The following COL22A1 variants were observed in gnomAD, a reference collection of about 807,000 sequenced individuals.
COL22A1 encodes the protein collagen alpha-1(XXII) chain.
COL22A1 carries 221 observed loss-of-function variants against 248.9 expected under a neutral mutation model. The ratio of observed to expected loss-of-function variants is 0.89; its 90% CI spans 0.80 to 0.99. The LOEUF is 0.99. Ranked by LOEUF, COL22A1 falls within the 50% of genes least tolerant of loss-of-function variation. COL22A1 has a pLI of 0.00. For synonymous variants in COL22A1, 891 were observed against 793.4 expected (o/e 1.12, Z -2.07); for missense variants, 2,240 against 2,179.0 (o/e 1.03, Z -0.56).
chr8:138,810,407 A>G (rs189017606), intron 9 of COL22A1, among the ~76,000 whole-genome samples: 1 of 152,300 alleles, frequency 6.6e-6, no homozygotes, highest in African/African-American at 2.4e-5. Context: ...TTTCATTGAC[A>G]TGTAAAAACC....
chr8:138,598,993 T>C (rs1013612921), intron 60 of COL22A1, 95 bp from the exon 61 acceptor site: 1 of 1,328,276 alleles, frequency 7.5e-7, no homozygotes, highest in African/African-American at 1.5e-5. Flanking sequence ...GCCTCTTAGA[T>C]CACTGAAAGG....
chr8:138,800,792 T>A (rs1449039052), intron 11 of COL22A1, among the ~76,000 whole-genome samples: 1 of 152,188 alleles, frequency 6.6e-6, no homozygotes, highest in African/African-American at 2.4e-5. Flanking sequence ...TCTCCCTTCC[T>A]TTGAACCCAG....
chr8:138,599,837 C>T (rs531339138), intron 60 of COL22A1, among the ~76,000 whole-genome samples: 34 of 152,198 alleles, frequency 2.2e-4, no homozygotes, highest in African/African-American at 3.4e-4. Flanking sequence ...ATGTTGATTG[C>T]GGAATTCCAA....
intron 31 of COL22A1, among the ~76,000 whole-genome samples, chr8:138,702,953 C>T (rs1475387641): frequency 6.6e-6 from 1 of 152,174 alleles, no homozygotes; most frequent in Non-Finnish European, 1.5e-5. Flanking sequence ...GTATAGAGGG[C>T]CAATGAATGA....
At chr8:138,778,282 C>A in intron 15 of COL22A1, 71 bp downstream of exon 15, 1 of 1,568,698 alleles carries the variant, frequency 6.4e-7, no homozygotes, top group Non-Finnish European at 8.8e-7. Flanking sequence ...GGTGGAGGAA[C>A]TTGCTAGAAC....
At chr8:138,767,451 T>C (rs1229015957) in intron 16 of COL22A1, among the ~76,000 whole-genome samples, 1 of 151,974 alleles carries the variant, frequency 6.6e-6, no homozygotes, top group East Asian at 1.9e-4. Flanking sequence ...TGCTCCTCTC[T>C]GGGGCTCCAG....
chr8:138,701,030 C>T (rs1827923978), intron 31 of COL22A1, among the ~76,000 whole-genome samples: 1 of 146,102 alleles, frequency 6.8e-6, no homozygotes, highest in South Asian at 2.2e-4. Flanking sequence ...AGGTGTCATG[C>T]TTTCTCCAGC....
chr8:138,803,355 T>C (rs1017621672), intron 10 of COL22A1, among the ~76,000 whole-genome samples: 5 of 152,026 alleles, frequency 3.3e-5, no homozygotes, highest in Non-Finnish European at 7.4e-5. Flanking sequence ...GCACATAAGA[T>C]TAAGAGCATA....
At chr8:138,904,903 A>G (rs887227223) in intron 1 of COL22A1, among the ~76,000 whole-genome samples, 4 of 152,122 alleles carry the variant, frequency 2.6e-5, no homozygotes, top group African/African-American at 9.7e-5. Flanking sequence ...GCCATGGACC[A>G]TGAGGCCCCA....
intron 21 of COL22A1, among the ~76,000 whole-genome samples, chr8:138,754,339 T>A (rs554286873): frequency 4.6e-5 from 7 of 152,198 alleles, no homozygotes; most frequent in Non-Finnish European, 5.9e-5. Context: ...TGATCCAAAA[T>A]CTTTGATATA....
chr8:138,804,225 G>C (rs1817259809), intron 10 of COL22A1, among the ~76,000 whole-genome samples: 1 of 152,196 alleles, frequency 6.6e-6, no homozygotes, highest in South Asian at 2.1e-4. Flanking sequence ...CGAGCTCTGT[G>C]TAGGGACACG....
intron 3 of COL22A1, among the ~76,000 whole-genome samples, chr8:138,844,782 C>T (rs1360836965): frequency 6.6e-6 from 1 of 151,976 alleles, no homozygotes; most frequent in Non-Finnish European, 1.5e-5. Context: ...AACCCCGTCT[C>T]TACTAAAGAT....
chr8:138,755,003 C>T (rs574721568), intron 21 of COL22A1, among the ~76,000 whole-genome samples, 154 bp downstream of exon 21: 7 of 152,258 alleles, frequency 4.6e-5, no homozygotes, highest in South Asian at 4.2e-4. Context: ...GTTTTTCCTA[C>T]GTGAGACGTG....
At chr8:138,778,826 G>A (rs1814710894) in intron 14 of COL22A1, among the ~76,000 whole-genome samples, 1 of 152,132 alleles carries the variant, frequency 6.6e-6, no homozygotes, top group Non-Finnish European at 1.5e-5. Context: ...ACTTTGCCAT[G>A]GGCTCAGTAC....
chr8:138,852,683 C>T (rs933399250), intron 3 of COL22A1, among the ~76,000 whole-genome samples: 2 of 152,082 alleles, frequency 1.3e-5, no homozygotes, highest in African/African-American at 4.8e-5. Flanking sequence ...TCACAGCCTC[C>T]AATCTTGAAA....
intron 31 of COL22A1, 69 bp downstream of exon 31, chr8:138,703,237 G>C: frequency 7.4e-7 from 1 of 1,347,110 alleles, no homozygotes; most frequent in Non-Finnish European, 1.1e-6. Flanking sequence ...AGTGGCAGTT[G>C]CTGGAGGGGG....
At chr8:138,765,876 C>G (rs73719367) in intron 16 of COL22A1, among the ~76,000 whole-genome samples, 2,523 of 152,298 alleles carry the variant, frequency 0.017, 64 homozygotes, top group African/African-American at 0.057. Flanking sequence ...CCAGGCTAAG[C>G]AGCCAAGACC....
At chr8:138,705,048 G>A (rs1431033305) in intron 30 of COL22A1, among the ~76,000 whole-genome samples, 1 of 152,118 alleles carries the variant, frequency 6.6e-6, no homozygotes, top group African/African-American at 2.4e-5. Context: ...AAGATCAAAT[G>A]AATGAAATGA....
At chr8:138,808,359 T>G (rs1049244393) in intron 9 of COL22A1, among the ~76,000 whole-genome samples, 2 of 152,192 alleles carry the variant, frequency 1.3e-5, no homozygotes, top group Admixed American at 1.3e-4. Context: ...ATACCCAAAC[T>G]AAATATGTAA....
Sources: gnomAD v4.1 joint callset for allele counts (sites outside exome capture counted in the v4.1 genomes callset) on GRCh38, gnomAD v4.1.1 for gene constraint, MANE v1.5 for transcripts, NCBI Gene and HGNC (gene_info 2026-07-23, HGNC 2026-07-21) for gene names.